The following CPAMD8 variants were observed in gnomAD, a reference collection of about 807,000 sequenced individuals.
The protein encoded by CPAMD8 is C3 and PZP-like alpha-2-macroglobulin domain-containing protein 8.
A neutral mutation model predicts 224.7 loss-of-function variants in CPAMD8; 146 were observed. The ratio of observed to expected loss-of-function variants is 0.65; its 90% CI spans 0.57 to 0.75. The LOEUF is 0.75. Ranked by LOEUF, CPAMD8 falls within the 30% of genes least tolerant of loss-of-function variation. The probability of loss-of-function intolerance (pLI) is 0.00; values close to 1 mark genes in which losing one functional copy is unlikely to be tolerated. For missense variants in CPAMD8, 2,301 were observed against 2,537.5 expected, an observed-to-expected ratio of 0.91 and a Z score of 2.00; for synonymous variants, 966 against 1,044.6, an observed-to-expected ratio of 0.92 and a Z score of 1.45.
Position 17,002,291 on chromosome 19 carries a change from A to G in CPAMD8, c.733T>C (p.Cys245Arg). 1 of 1,602,838 alleles carries G rather than the reference A, an allele frequency of 6.2e-7. No homozygotes were observed. ...PPRYIQDLDA[C>R]ETGTVRARYT... is the part of the protein sequence containing the mutation. ...CTGGCCCGCACAGTGCCTGTCTCAC[A>G]GGCGTCCAGGTCTTGGATATACCGG... Residue 245 changes from cysteine to arginine, a missense_variant, in exon 9 of 42, where the codon TGT (cysteine) becomes CGT (arginine). Transcript: ENST00000443236.
At chr19:16,967,938 TATAC>T (rs2054915575) in intron 18 of CPAMD8, among the ~76,000 whole-genome samples, 1 of 151,692 alleles carries the variant, frequency 6.6e-6, no homozygotes, top group Non-Finnish European at 1.5e-5. Context: ...TGTGTATATA[TATAC>T]ATGTTGCTCT....
chr19:17,002,437 A>G, intron 8 of CPAMD8, 87 bp from the exon 9 acceptor site: 1 of 806,336 alleles, frequency 1.2e-6, no homozygotes, highest in South Asian at 1.5e-5. Flanking sequence ...GTGTCTGAGG[A>G]CCACAGCACC....
At chr19:16,943,003 TCTTTTTTC>T (rs1326208544) in intron 22 of CPAMD8, among the ~76,000 whole-genome samples, 2 of 140,794 alleles carry the variant, frequency 1.4e-5, no homozygotes, top group African/African-American at 5.7e-5. Context: ...TTTTCTTTTT[TCTTTTTTC>T]TTTTTTTTTT....
chr19:16,927,634 T>C (rs1157987455), intron 25 of CPAMD8, among the ~76,000 whole-genome samples: 1 of 152,040 alleles, frequency 6.6e-6, no homozygotes, highest in Non-Finnish European at 1.5e-5. Context: ...CTGGCTGACT[T>C]ATTCAGGTAT....
At chr19:16,978,210 G>C (rs8102322) in intron 14 of CPAMD8, among the ~76,000 whole-genome samples, 24,262 of 152,016 alleles carry the variant, frequency 0.16, 3,753 homozygotes, top group African/African-American at 0.4. Context: ...AAACTCATGG[G>C]CAACAGGAGG....
intron 19 of CPAMD8, among the ~76,000 whole-genome samples, chr19:16,953,339 CAA>C (rs80093904): frequency 2.2e-3 from 210 of 94,292 alleles, no homozygotes; most frequent in East Asian, 8.4e-3. Flanking sequence ...AAGGTACAAG[CAA>C]AAAAAAAAAA....
intron 7 of CPAMD8, among the ~76,000 whole-genome samples, chr19:17,006,512 G>A (rs1232218407): frequency 6.7e-6 from 1 of 149,830 alleles, no homozygotes; most frequent in African/African-American, 2.5e-5. Flanking sequence ...GACAGAATGA[G>A]AGAGAACCTG....
chr19:16,904,444 C>T (rs374649528), intron 31 of CPAMD8, 22 bp downstream of exon 31: 41 of 1,613,734 alleles, frequency 2.5e-5, no homozygotes, highest in African/African-American at 8.0e-5. Context: ...GGCAGGCACC[C>T]GGGAGCTGGG....
intron 27 of CPAMD8, among the ~76,000 whole-genome samples, chr19:16,915,183 C>T (rs893990640): frequency 6.6e-6 from 1 of 150,990 alleles, no homozygotes; most frequent in African/African-American, 2.5e-5. Flanking sequence ...TGGTCCTTGC[C>T]AAAAGGCCCC....
At chr19:16,971,503 G>A (rs2055061774) in intron 17 of CPAMD8, among the ~76,000 whole-genome samples, 3 of 152,168 alleles carry the variant, frequency 2.0e-5, no homozygotes, top group Admixed American at 1.3e-4. Context: ...GCCATATGTT[G>A]TATGATTCCG....
chr19:16,971,213 T>C, intron 17 of CPAMD8, 180 bp from the exon 18 acceptor site: 1 of 572,784 alleles, frequency 1.7e-6, no homozygotes. Flanking sequence ...TTGTTTGTTG[T>C]TTTTTGAGAC....
At chr19:16,904,177 CCCCA>C in intron 32 of CPAMD8, 45 bp downstream of exon 32, 31 of 478,986 alleles carry the variant, frequency 6.5e-5, no homozygotes, top group Non-Finnish European at 1.1e-4. Flanking sequence ...ACTGCAGGGA[CCCCA>C]CCCACCCAGC....
At chr19:16,966,298 G>C (rs1037514197) in intron 18 of CPAMD8, among the ~76,000 whole-genome samples, 2 of 152,204 alleles carry the variant, frequency 1.3e-5, no homozygotes, top group Non-Finnish European at 2.9e-5. Context: ...TATGTAGAAA[G>C]CTGAAACTGG....
chr19:16,985,305 G>A (rs1183584192), intron 13 of CPAMD8, among the ~76,000 whole-genome samples: 1 of 151,728 alleles, frequency 6.6e-6, no homozygotes, highest in Non-Finnish European at 1.5e-5. Flanking sequence ...GTGCATGTAT[G>A]GATGGATGGA....
At chr19:17,007,620 C>G (rs1027350021) in intron 7 of CPAMD8, among the ~76,000 whole-genome samples, 2 of 152,214 alleles carry the variant, frequency 1.3e-5, no homozygotes, top group African/African-American at 4.8e-5. Context: ...GCCTGTGGCT[C>G]TACTGTTACC....
chr19:16,945,025 T>C (rs141282569), intron 22 of CPAMD8, among the ~76,000 whole-genome samples: 39 of 152,268 alleles, frequency 2.6e-4, no homozygotes, highest in African/African-American at 9.1e-4. Context: ...CCACCCCATC[T>C]TATGAAGGTG....
chr19:16,978,246 G>T (rs146126724), intron 14 of CPAMD8, among the ~76,000 whole-genome samples: 2,573 of 152,184 alleles, frequency 0.017, 42 homozygotes, highest in African/African-American at 0.05. Context: ...CGGCCTTGGG[G>T]TTCAAATCTT....
At chr19:16,906,037 G>A (rs138596217) in intron 30 of CPAMD8, among the ~76,000 whole-genome samples, 26 of 152,268 alleles carry the variant, frequency 1.7e-4, no homozygotes, top group Admixed American at 7.2e-4. Context: ...AAGCCTGGCC[G>A]GAGGCGGGGG....
chr19:16,940,323 T>A (rs866327250), intron 22 of CPAMD8, among the ~76,000 whole-genome samples: 2 of 152,136 alleles, frequency 1.3e-5, no homozygotes, highest in African/African-American at 4.8e-5. Flanking sequence ...TGGGAGTGTG[T>A]TTATATAACA....
Sources: gnomAD v4.1 joint callset for allele counts (sites outside exome capture counted in the v4.1 genomes callset) on GRCh38, gnomAD v4.1.1 for gene constraint, MANE v1.5 for transcripts, NCBI Gene and HGNC (gene_info 2026-07-23, HGNC 2026-07-21) for gene names.